The following C7 variants were observed in gnomAD, a reference collection of about 807,000 sequenced individuals.
C7 encodes the protein complement C7.
C7 carries 83 observed loss-of-function variants against 104.8 expected under a neutral mutation model. The observed-to-expected ratio is 0.79, with a 90% CI of 0.66 to 0.95. The LOEUF (loss-of-function observed/expected upper bound fraction) is 0.95. C7 is among the 40% of genes least tolerant of loss of function. C7 has a pLI of 0.00. For missense variants in C7, 1,070 were observed against 1,011.2 expected (o/e 1.06, Z -0.79); for synonymous variants, 415 against 360.6 (o/e 1.15, Z -1.71).
rs1297205740 is a variant in C7 at position 40,959,446 on chromosome 5, T to C, written c.1490-3T>C. 23 of 1,608,594 alleles carry C rather than the reference T, an allele frequency of 1.4e-5. No homozygotes were observed. Among genetic ancestry groups the C allele is most frequent in the Non-Finnish European group, 1.8e-5 (21 of 1,178,048 alleles). ...ATTGATCAACCTCTTTCTCATCTTGTAGGAGGGGTTGATGGAGGTTGGAGT... is the reference window on the plus strand; with the variant it reads ...ATTGATCAACCTCTTTCTCATCTTGCAGGAGGGGTTGATGGAGGTTGGAGT... On this transcript the variant is annotated splice_polypyrimidine_tract_variant and splice_region_variant and intron_variant, in intron 11 of 17. Coordinates refer to ENST00000313164, the MANE Select transcript of C7 (RefSeq NM_000587.4).
chr5:40,979,028 C>T (rs545387352), intron 16 of C7, among the ~76,000 whole-genome samples: 22 of 151,452 alleles, frequency 1.5e-4, no homozygotes, highest in South Asian at 4.2e-4. Context: ...TACAGGTGTG[C>T]GCCACCACGC....
Position 40,958,234 on chromosome 5 carries a change from C to T in C7, c.1462C>T (p.Gln488Ter). ...GTACACATTTGGTGCGGCGTGTGAGCAAGGAGTCCTCGTAGGGAATCAAGC... is the reference window on the plus strand; with the variant it reads ...GTACACATTTGGTGCGGCGTGTGAGTAAGGAGTCCTCGTAGGGAATCAAGC... ...KPYTFGAACE[Q>*]GVLVGNQAGG... The change falls in exon 11 of 18, where the codon CAA (glutamine) becomes TAA (stop). Residue 488 changes from glutamine (Q) to a stop codon, truncating the protein, a stop_gained. Transcript: ENST00000313164. LOFTEE classifies it high-confidence loss of function. 6.2e-7 allele frequency: 1 copy of T among 1,609,850 alleles called. No individual in the cohort carries two copies. The highest frequency in any genetic ancestry group is 8.5e-7 in the Non-Finnish European group (1 of 1,177,496).
At chr5:40,949,392 A>T (rs920101083) in intron 8 of C7, among the ~76,000 whole-genome samples, 2 of 151,004 alleles carry the variant, frequency 1.3e-5, no homozygotes, top group Admixed American at 6.6e-5. Flanking sequence ...ACTCCCCTTG[A>T]TAATGAGTAG....
chr5:40,938,231 AACT>A (rs1739857496), intron 6 of C7, among the ~76,000 whole-genome samples: 1 of 152,166 alleles, frequency 6.6e-6, no homozygotes, highest in Non-Finnish European at 1.5e-5. Context: ...CTCCTCAGGC[AACT>A]ACTATTTTAT....
chr5:40,965,061 C>T (rs572647375), intron 14 of C7, among the ~76,000 whole-genome samples, 188 bp downstream of exon 14: 53 of 152,318 alleles, frequency 3.5e-4, no homozygotes, highest in Non-Finnish European at 5.4e-4. Context: ...GTAATGTTCC[C>T]ATTCAGTGAG....
chr5:40,924,705 G>A (rs1019262707), intron 1 of C7, among the ~76,000 whole-genome samples: 1 of 152,206 alleles, frequency 6.6e-6, no homozygotes, highest in Non-Finnish European at 1.5e-5. Flanking sequence ...CACTATGTGT[G>A]CCTATGAGCC....
chr5:40,955,592 T>C lies in C7; in HGVS notation c.1260+39T>C, dbSNP rs765026742. 2.5e-6 allele frequency: 4 copies of C among 1,574,730 alleles called. No individual in the cohort carries two copies. The Admixed American group carries it at 5.5e-5, about 22-fold the overall frequency. ...TGTTTAAAGCAATAGGAAGCAGTCA[T>C]GTTTATTTGCATGAGGAAAACGAAG... On this transcript the variant is annotated intron_variant, in intron 10 of 17. Transcript: ENST00000313164.
chr5:40,970,037 G>A (rs983998614), intron 14 of C7, among the ~76,000 whole-genome samples: 2 of 151,892 alleles, frequency 1.3e-5, no homozygotes, highest in Non-Finnish European at 2.9e-5. Flanking sequence ...AGTTTTGGAA[G>A]GCATAAGATG....
At chr5:40,962,198 C>T (rs1284603022) in intron 13 of C7, 26 bp downstream of exon 13, 4 of 1,323,222 alleles carry the variant, frequency 3.0e-6, no homozygotes, top group Non-Finnish European at 3.1e-6. Context: ...TATTTTTTTC[C>T]TTTATAATGC....
chr5:40,936,759 C>T (rs58201610), intron 5 of C7, among the ~76,000 whole-genome samples: 17,287 of 151,796 alleles, frequency 0.11, 2,122 homozygotes, highest in African/African-American at 0.31. Context: ...CCCAGGGAAA[C>T]CTGGACAGTT....
chr5:40,941,457 C>T (rs768085401), intron 6 of C7, among the ~76,000 whole-genome samples: 4 of 151,404 alleles, frequency 2.6e-5, no homozygotes, highest in East Asian at 1.9e-4. Context: ...TATGAGTGAT[C>T]GGGAAAGTAA....
intron 8 of C7, among the ~76,000 whole-genome samples, chr5:40,949,090 C>A (rs1324618940): frequency 1.3e-5 from 2 of 151,886 alleles, no homozygotes; most frequent in Admixed American, 1.3e-4. Flanking sequence ...AGTTTTACTT[C>A]TTTTTATTGC....
chr5:40,975,911 T>C lies in C7; in HGVS notation c.2075-839T>C, dbSNP rs534059048. On this transcript the variant is annotated intron_variant, in intron 15 of 17. Transcript: ENST00000313164. The stretch of plus-strand genomic sequence containing the variant: ...TCTAGTTTTATGATGCAAAAGTGTA[T>C]GGCAATGAATTTCATTGTAATAAAG... Among the ~76,000 whole-genome samples the C allele has an allele frequency of 2.6e-5, 4 of 152,330 alleles. No homozygotes were observed. In the South Asian group the frequency reaches 8.3e-4, roughly 32 times the overall value.
At chr5:40,964,953 A>C (rs1412637233) in intron 14 of C7, 80 bp downstream of exon 14, 2 of 1,501,004 alleles carry the variant, frequency 1.3e-6, no homozygotes, top group East Asian at 4.5e-5. Flanking sequence ...AACACTCACC[A>C]TATGGCCCAT....
intron 15 of C7, chr5:40,976,544 C>G: frequency 2.7e-6 from 1 of 375,724 alleles, no homozygotes; most frequent in Non-Finnish European, 4.8e-6. Context: ...GCTATTACTA[C>G]CAATGCAGTT....
chr5:40,960,392 GAA>G (rs1740398274), intron 12 of C7, among the ~76,000 whole-genome samples: 1 of 152,174 alleles, frequency 6.6e-6, no homozygotes, highest in African/African-American at 2.4e-5. Flanking sequence ...AAAGAAAAAA[GAA>G]TAAGTTGGGA....
intron 8 of C7, among the ~76,000 whole-genome samples, chr5:40,949,234 T>G (rs1740113464): frequency 6.6e-6 from 1 of 152,022 alleles, no homozygotes; most frequent in Admixed American, 6.6e-5. Flanking sequence ...ACCTCTGGGA[T>G]ATAGTGTATG....
At chr5:40,978,465 T>C (rs909155709) in intron 16 of C7, among the ~76,000 whole-genome samples, 1 of 152,200 alleles carries the variant, frequency 6.6e-6, no homozygotes, top group East Asian at 1.9e-4. Flanking sequence ...TGGTATACAT[T>C]TCCATGTCAT....
Position 40,976,733 on chromosome 5 carries a change from C to T in C7, c.2075-17C>T, listed in dbSNP as rs1411095987. 6.4e-7 allele frequency: 1 copy of T among 1,564,092 alleles called. No homozygotes were observed. The highest frequency in any genetic ancestry group is 8.7e-7 in the Non-Finnish European group (1 of 1,149,338). On this transcript the variant is annotated splice_polypyrimidine_tract_variant and intron_variant, in intron 15 of 17. Transcript: ENST00000313164. Reference sequence around the variant, plus strand: ...GGCTTTTCTCCTAACGACCACATCTCCCTTATCCTTTTTTAGAAAATCCGT... The same window carrying T: ...GGCTTTTCTCCTAACGACCACATCTTCCTTATCCTTTTTTAGAAAATCCGT...
Sources: allele counts gnomAD v4.1 joint callset (sites outside exome capture counted in the v4.1 genomes callset), GRCh38; gene constraint gnomAD v4.1.1; transcripts MANE v1.5; gene names NCBI Gene and HGNC (gene_info 2026-07-23, HGNC 2026-07-21).